SLC22A23: variants seen among roughly 807,000 people sequenced by gnomAD.
The protein encoded by SLC22A23 is ion transporter protein.
A neutral mutation model predicts 61.0 loss-of-function variants in SLC22A23; 26 were observed. That is an observed-to-expected ratio of 0.43 (90% CI 0.31 to 0.59). The LOEUF is 0.59. Ranked by LOEUF, SLC22A23 falls within the 20% of genes least tolerant of loss-of-function variation. The pLI, the probability that SLC22A23 is intolerant of heterozygous loss-of-function variation, is 0.11. For missense variants in SLC22A23, 796 were observed against 934.7 expected, an observed-to-expected ratio of 0.85 and a Z score of 1.94; for synonymous variants, 430 against 413.9, an observed-to-expected ratio of 1.04 and a Z score of -0.47.
intron 4 of SLC22A23, among the ~76,000 whole-genome samples, chr6:3,305,804 G>A (rs760245288): frequency 7.9e-5 from 12 of 152,182 alleles, no homozygotes; most frequent in Non-Finnish European, 1.6e-4. Context: ...TTCTGCAACC[G>A]TAAAACACAA....
rs1762794423 is a variant in SLC22A23, at chr6:3,318,944, T to C, written c.1082+4890A>G. Among the ~76,000 whole-genome samples the C allele has an allele frequency of 6.6e-6, 1 of 152,130 alleles. No homozygotes were observed. The highest frequency in any genetic ancestry group is 2.4e-5 in the African/African-American group (1 of 41,418). ...TCTCACCAGGGCCACTCTCAAAGCATCTCTCGAATCAGCCCTCTGCAGGTG... is the reference window on the plus strand; with the variant it reads ...TCTCACCAGGGCCACTCTCAAAGCACCTCTCGAATCAGCCCTCTGCAGGTG... On this transcript the variant is annotated intron_variant, in intron 4 of 9. Transcript: ENST00000406686. This position sits in a 1 kb window ranked among gnomAD's most constrained non-coding sequence, Gnocchi z 4.3.
chr6:3,376,282 C>T (rs1766557491), intron 3 of SLC22A23, among the ~76,000 whole-genome samples: 1 of 152,208 alleles, frequency 6.6e-6, no homozygotes, highest in Non-Finnish European at 1.5e-5. Context: ...AACGCATCTG[C>T]CCATTGCTGT....
chr6:3,312,251 C>T (rs1412956617), intron 4 of SLC22A23: 2 of 152,200 alleles, frequency 1.3e-5, no homozygotes, highest in Non-Finnish European at 2.9e-5. Context: ...CAATCTATAA[C>T]CTTCCATGTG....
At chr6:3,347,494 C>G (rs115023007) in intron 3 of SLC22A23, among the ~76,000 whole-genome samples, 5 of 151,908 alleles carry the variant, frequency 3.3e-5, no homozygotes, top group African/African-American at 1.2e-4. Context: ...GTCATTCCTT[C>G]CCCTGGGTAA....
intron 1 of SLC22A23, among the ~76,000 whole-genome samples, chr6:3,450,870 T>A (rs1040385312): frequency 1.3e-5 from 2 of 152,238 alleles, no homozygotes; most frequent in Non-Finnish European, 2.9e-5. Flanking sequence ...TGCAATGATA[T>A]AATTATTTCT....
intron 9 of SLC22A23, 25 bp from the exon 10 acceptor site, chr6:3,273,437 A>G: frequency 6.2e-7 from 1 of 1,609,136 alleles, no homozygotes. Flanking sequence ...AAGCACAGGG[A>G]TTGCTGCTGT....
chr6:3,275,487 ACTC>A (rs1157953828), intron 9 of SLC22A23, among the ~76,000 whole-genome samples: 5 of 152,112 alleles, frequency 3.3e-5, no homozygotes, highest in African/African-American at 1.2e-4. Context: ...AGGATTAAAA[ACTC>A]CTACCCTTCA....
intron 3 of SLC22A23, among the ~76,000 whole-genome samples, chr6:3,356,745 C>A (rs1765131196): frequency 6.6e-6 from 1 of 152,200 alleles, no homozygotes; most frequent in Admixed American, 6.5e-5. Flanking sequence ...ATACCAACAA[C>A]CACCTGTAAT....
chr6:3,429,082 T>C (rs1033678951), intron 1 of SLC22A23, among the ~76,000 whole-genome samples: 4 of 152,174 alleles, frequency 2.6e-5, no homozygotes, highest in Non-Finnish European at 1.5e-5. Flanking sequence ...TTGTTTGCCC[T>C]GCATGACCTA....
At chr6:3,285,285 T>A (rs1759883158) in intron 7 of SLC22A23, among the ~76,000 whole-genome samples, 174 bp from the exon 8 acceptor site, 1 of 152,368 alleles carries the variant, frequency 6.6e-6, no homozygotes, top group South Asian at 2.1e-4. Flanking sequence ...GAATTCATAC[T>A]GCGCTAAACA....
intron 4 of SLC22A23, among the ~76,000 whole-genome samples, chr6:3,321,405 T>C (rs73354732): frequency 0.023 from 3,150 of 135,322 alleles, 99 homozygotes; most frequent in African/African-American, 0.076. Context: ...TACACATACA[T>C]GCACACACAT....
At chr6:3,394,264 TATCACAGAGTC>T (rs1357748732) in intron 3 of SLC22A23, among the ~76,000 whole-genome samples, 1 of 152,130 alleles carries the variant, frequency 6.6e-6, no homozygotes, top group Non-Finnish European at 1.5e-5. Flanking sequence ...AAGATCCGTG[TATCACAGAGTC>T]ATCAGATACT....
intron 4 of SLC22A23, among the ~76,000 whole-genome samples, chr6:3,303,599 A>G (rs529981928): frequency 6.6e-6 from 1 of 152,370 alleles, no homozygotes; most frequent in South Asian, 2.1e-4. Flanking sequence ...AGCCAGGTAC[A>G]GAAAATTAAG....
chr6:3,399,644 CA>C (rs1768247015), intron 3 of SLC22A23, among the ~76,000 whole-genome samples: 1 of 152,034 alleles, frequency 6.6e-6, no homozygotes, highest in African/African-American at 2.4e-5. Context: ...GGGATTAATA[CA>C]AGGAAGGGAA....
At chr6:3,391,989 T>C (rs942234978) in intron 3 of SLC22A23, among the ~76,000 whole-genome samples, 1 of 151,910 alleles carries the variant, frequency 6.6e-6, no homozygotes, top group Non-Finnish European at 1.5e-5. Flanking sequence ...CCATGCAAGA[T>C]AGCATGGACT....
intron 3 of SLC22A23, among the ~76,000 whole-genome samples, chr6:3,339,268 A>T (rs1764024521): frequency 6.6e-6 from 1 of 152,194 alleles, no homozygotes. Flanking sequence ...CCAGGCACAC[A>T]GGCCTTAGAT....
At chr6:3,437,244 CAT>C (rs1771274384) in intron 1 of SLC22A23, among the ~76,000 whole-genome samples, 2 of 151,770 alleles carry the variant, frequency 1.3e-5, no homozygotes, top group South Asian at 4.2e-4. Context: ...TCAGCAAACA[CAT>C]AAAACCAAAA....
intron 3 of SLC22A23, among the ~76,000 whole-genome samples, chr6:3,358,113 T>C (rs1268110596): frequency 1.3e-5 from 2 of 152,134 alleles, no homozygotes; most frequent in Non-Finnish European, 2.9e-5. Context: ...CTTTAAACAC[T>C]GTTGGTAGGG....
chr6:3,300,917 A>G (rs944963532), intron 4 of SLC22A23, among the ~76,000 whole-genome samples: 3 of 152,118 alleles, frequency 2.0e-5, no homozygotes, highest in Non-Finnish European at 4.4e-5. Context: ...GGAATGCAGG[A>G]GGGCCGTGTG....
Sources: allele counts gnomAD v4.1 joint callset (sites outside exome capture counted in the v4.1 genomes callset), GRCh38; gene constraint gnomAD v4.1.1; non-coding constraint Gnocchi (gnomAD v3.1); transcripts MANE v1.5; gene names NCBI Gene and HGNC (gene_info 2026-07-23, HGNC 2026-07-21).